ADIPOR2: variants seen among roughly 807,000 people sequenced by gnomAD.
The protein encoded by ADIPOR2 is adiponectin receptor 2.
A neutral mutation model predicts 40.9 loss-of-function variants in ADIPOR2; 18 were observed. That is an observed-to-expected ratio of 0.44 (90% CI 0.30 to 0.65). The LOEUF is 0.65. Among genes scored for constraint, ADIPOR2 ranks in the 30% least tolerant of loss-of-function variants. The pLI, the probability that ADIPOR2 is intolerant of heterozygous loss-of-function variation, is 0.09. For synonymous variants in ADIPOR2, 165 were observed against 166.4 expected (o/e 0.99, Z 0.06); for missense variants, 283 against 479.2 (o/e 0.59, Z 3.82).
intron 1 of ADIPOR2, among the ~76,000 whole-genome samples, chr12:1,732,138 A>G (rs2094721798): frequency 1.3e-5 from 2 of 152,190 alleles, no homozygotes; most frequent in Admixed American, 1.3e-4. Flanking sequence ...TTAGTGTGGT[A>G]CATTTGTTAC....
chr12:1,692,164 A>G (rs1053492439), intron 1 of ADIPOR2, among the ~76,000 whole-genome samples: 4 of 151,322 alleles, frequency 2.6e-5, no homozygotes, highest in African/African-American at 9.7e-5. Context: ...AACATTTAGC[A>G]TTATTTGATC....
chr12:1,746,093 T>G (rs2094754430), intron 1 of ADIPOR2, among the ~76,000 whole-genome samples: 1 of 152,220 alleles, frequency 6.6e-6, no homozygotes, highest in Non-Finnish European at 1.5e-5. Context: ...TATGATCTAT[T>G]TTAGGTCTAA....
intron 1 of ADIPOR2, among the ~76,000 whole-genome samples, chr12:1,710,704 C>G (rs2094674839): frequency 1.3e-5 from 2 of 152,000 alleles, no homozygotes; most frequent in South Asian, 4.1e-4. Context: ...GAGGGGAAAG[C>G]CATTCAGCTG....
At chr12:1,728,400 C>A (rs1025700490) in intron 1 of ADIPOR2, among the ~76,000 whole-genome samples, 1 of 151,910 alleles carries the variant, frequency 6.6e-6, no homozygotes, top group Non-Finnish European at 1.5e-5. Flanking sequence ...ATGAACACCA[C>A]ACCTGGCCTC....
intron 1 of ADIPOR2, among the ~76,000 whole-genome samples, chr12:1,717,157 TGGAAG>T (rs2094689174): frequency 2.0e-5 from 3 of 152,318 alleles, no homozygotes; most frequent in African/African-American, 7.2e-5. Context: ...TTGTAAGACT[TGGAAG>T]TTTTTCCTTC....
chr12:1,706,534 CAA>C (rs1200754555), intron 1 of ADIPOR2, among the ~76,000 whole-genome samples: 1 of 152,042 alleles, frequency 6.6e-6, no homozygotes, highest in East Asian at 1.9e-4. Flanking sequence ...AATAGTTTCT[CAA>C]AATTTTGTGT....
At chr12:1,704,329 A>G (rs2094657574) in intron 1 of ADIPOR2, among the ~76,000 whole-genome samples, 1 of 152,142 alleles carries the variant, frequency 6.6e-6, no homozygotes. Context: ...CTAGAAGAGT[A>G]GATACAGAGT....
intron 2 of ADIPOR2, among the ~76,000 whole-genome samples, chr12:1,756,452 C>CT (rs71055194): frequency 0.42 from 55,477 of 132,378 alleles, 11,312 homozygotes; most frequent in Admixed American, 0.53. Context: ...GCCTGGCCTT[C>CT]TTTTTTTTTT....
intron 1 of ADIPOR2, among the ~76,000 whole-genome samples, chr12:1,729,836 C>T (rs149185607): frequency 5.9e-5 from 9 of 151,786 alleles, no homozygotes; most frequent in African/African-American, 1.9e-4. Context: ...AATACTGGGC[C>T]GTAAGAAAGC....
chr12:1,738,224 A>AG (rs2094735249), intron 1 of ADIPOR2, among the ~76,000 whole-genome samples: 2 of 151,570 alleles, frequency 1.3e-5, no homozygotes, highest in African/African-American at 4.8e-5. Flanking sequence ...AAAAAAAAAA[A>AG]AAAAAAGTTA....
At chr12:1,707,043 C>T (rs1481711034) in intron 1 of ADIPOR2, among the ~76,000 whole-genome samples, 2 of 152,162 alleles carry the variant, frequency 1.3e-5, no homozygotes, top group Non-Finnish European at 1.5e-5. Flanking sequence ...TTCTTTAATG[C>T]CTGGCTGCTT....
At chr12:1,714,601 C>T (rs1386671269) in intron 1 of ADIPOR2, among the ~76,000 whole-genome samples, 1 of 152,042 alleles carries the variant, frequency 6.6e-6, no homozygotes, top group Admixed American at 6.6e-5. Context: ...CTTAGTCCTT[C>T]TAGGACACAG....
chr12:1,767,595 G>T (rs1862410825), intron 2 of ADIPOR2, among the ~76,000 whole-genome samples: 1 of 152,024 alleles, frequency 6.6e-6, no homozygotes, highest in Non-Finnish European at 1.5e-5. Flanking sequence ...TAAAGTTAAG[G>T]CTGGCTTCAA....
At chr12:1,695,475 T>C (rs1389929363) in intron 1 of ADIPOR2, among the ~76,000 whole-genome samples, 1 of 151,374 alleles carries the variant, frequency 6.6e-6, no homozygotes, top group Non-Finnish European at 1.5e-5. Flanking sequence ...CCAACATGAA[T>C]GAAACCCCCT....
rs376949602 is a variant in ADIPOR2, at chr12:1,786,095, A to G, written c.*23A>G. 58 of 1,611,510 alleles carry G rather than the reference A, an allele frequency of 3.6e-5. No individual in the cohort carries two copies. The highest frequency in any genetic ancestry group is 3.9e-5 in the Non-Finnish European group (46 of 1,179,266). On this transcript the variant is annotated 3_prime_UTR_variant, in exon 8 of 8. Transcript: ENST00000357103. ...TGATACCTACCAGTCTCCAGGGACTATGACCCTAAACCAGGGCCTGCGGCA... is the reference window on the plus strand; with the variant it reads ...TGATACCTACCAGTCTCCAGGGACTGTGACCCTAAACCAGGGCCTGCGGCA...
chr12:1,724,907 CATTT>C (rs1219007889), intron 1 of ADIPOR2, among the ~76,000 whole-genome samples: 1 of 152,016 alleles, frequency 6.6e-6, no homozygotes, highest in African/African-American at 2.4e-5. Flanking sequence ...TTCATTCATT[CATTT>C]AACAGATAAT....
intron 2 of ADIPOR2, among the ~76,000 whole-genome samples, chr12:1,766,884 A>G (rs953087399): frequency 6.6e-6 from 1 of 152,232 alleles, no homozygotes; most frequent in African/African-American, 2.4e-5. Flanking sequence ...ATGCCACTAT[A>G]TAATAGTTTA....
chr12:1,728,981 T>A (rs978300379), intron 1 of ADIPOR2, among the ~76,000 whole-genome samples: 24 of 117,776 alleles, frequency 2.0e-4, no homozygotes, highest in South Asian at 1.8e-3. Context: ...TTTTTTTTTT[T>A]AACAAGACAG....
chr12:1,779,501 T>C (rs1160200585), intron 4 of ADIPOR2, among the ~76,000 whole-genome samples: 2 of 152,250 alleles, frequency 1.3e-5, no homozygotes, highest in East Asian at 1.9e-4. Context: ...AGTGGTTGTT[T>C]AGGGCTGTAA....
Sources: allele counts gnomAD v4.1 joint callset (sites outside exome capture counted in the v4.1 genomes callset), GRCh38; gene constraint gnomAD v4.1.1; transcripts MANE v1.5; gene names NCBI Gene and HGNC (gene_info 2026-07-23, HGNC 2026-07-21).